The following LRRC4C variants were observed in gnomAD, a reference collection of about 807,000 sequenced individuals.
The protein encoded by LRRC4C is leucine-rich repeat-containing protein 4C.
A neutral mutation model predicts 33.6 loss-of-function variants in LRRC4C; 5 were observed. The observed-to-expected ratio is 0.15, with a 90% CI of 0.08 to 0.31. The LOEUF is 0.31. LRRC4C is among the 10% of genes least tolerant of loss of function. LRRC4C has a pLI of 1.00. For synonymous variants in LRRC4C, 329 were observed against 302.0 expected (o/e 1.09, Z -0.93); for missense variants, 560 against 796.7 (o/e 0.70, Z 3.58).
At chr11:40,231,476 A>ATATG (rs1865196034) in intron 5 of LRRC4C, among the ~76,000 whole-genome samples, 1 of 151,976 alleles carries the variant, frequency 6.6e-6, no homozygotes, top group Non-Finnish European at 1.5e-5. Context: ...ATAATAAACT[A>ATATG]GTCAATATGC....
intron 2 of LRRC4C, among the ~76,000 whole-genome samples, chr11:40,808,188 TGATA>T (rs1403423093): frequency 6.6e-6 from 1 of 152,082 alleles, no homozygotes; most frequent in African/African-American, 2.4e-5. Flanking sequence ...ATATATAATC[TGATA>T]TTTTATATTA....
At chr11:41,280,428 C>T (rs2136925069) in intron 1 of LRRC4C, among the ~76,000 whole-genome samples, 1 of 152,282 alleles carries the variant, frequency 6.6e-6, no homozygotes, top group East Asian at 1.9e-4. Context: ...ACCCCATGCT[C>T]ATGCTTTGTA....
At chr11:40,287,584 A>G (rs1943932173) in intron 4 of LRRC4C, among the ~76,000 whole-genome samples, 1 of 152,194 alleles carries the variant, frequency 6.6e-6, no homozygotes, top group South Asian at 2.1e-4. Flanking sequence ...GCCTAATTAA[A>G]TTTCAATGGT....
intron 2 of LRRC4C, among the ~76,000 whole-genome samples, chr11:40,806,359 T>C (rs2135339124): frequency 6.6e-6 from 1 of 152,362 alleles, no homozygotes; most frequent in Middle Eastern, 3.4e-3. Context: ...CGTCCATCTG[T>C]ACCTCCAGCT....
Position 40,717,651 on chromosome 11 carries a change from T to G in LRRC4C, c.-406-69373A>C, listed in dbSNP as rs74536061. Among the ~76,000 whole-genome samples, 257 of 152,278 alleles carry G rather than the reference T, an allele frequency of 1.7e-3. 7 individuals are homozygous for G. The East Asian group carries it at 0.045, about 27-fold the overall frequency. On this transcript the variant is annotated intron_variant, in intron 2 of 6. Coordinates refer to ENST00000528697, the MANE Select transcript of LRRC4C (RefSeq NM_001258419.2). ...GTACCAGTCACTGCGCTGTAAAACC[T>G]GTACACAGGTTTACCCCGTGTAGTC...
rs117169045 is a variant in LRRC4C at position 40,952,660 on chromosome 11, A to G, written c.-495-18937T>C. Among the ~76,000 whole-genome samples the G allele has an allele frequency of 7.7e-3, 1,168 of 152,100 alleles. 12 individuals are homozygous for G. Among genetic ancestry groups the G allele is most frequent in the Middle Eastern group, 0.031 (9 of 294 alleles). The stretch of plus-strand genomic sequence containing the variant: ...CAAACAGATGGGTAGAGGTCCAACA[A>G]GACGCTCCAGGAGAGACATCCTTGC... On this transcript the variant is annotated intron_variant, in intron 1 of 6. Coordinates refer to ENST00000528697, the MANE Select transcript of LRRC4C (RefSeq NM_001258419.2).
intron 2 of LRRC4C, among the ~76,000 whole-genome samples, chr11:40,658,105 A>G (rs78217893): frequency 0.02 from 3,102 of 152,302 alleles, 105 homozygotes; most frequent in African/African-American, 0.071. Flanking sequence ...AAAGAATGTT[A>G]TCTTATAGTA....
chr11:40,220,429 G>A (rs1013288361), intron 5 of LRRC4C, among the ~76,000 whole-genome samples: 20 of 152,160 alleles, frequency 1.3e-4, no homozygotes, highest in African/African-American at 3.6e-4. Flanking sequence ...ATAGATATGC[G>A]ATTGCCTTGT....
At chr11:41,145,882 C>CT (rs1022015531) in intron 1 of LRRC4C, among the ~76,000 whole-genome samples, 3 of 151,604 alleles carry the variant, frequency 2.0e-5, no homozygotes, top group Non-Finnish European at 4.4e-5. Context: ...TTTCTTATCT[C>CT]TTTTTTGCTG....
At chr11:41,160,836 G>A (rs1191586045) in intron 1 of LRRC4C, among the ~76,000 whole-genome samples, 1 of 152,128 alleles carries the variant, frequency 6.6e-6, no homozygotes, top group Non-Finnish European at 1.5e-5. Flanking sequence ...TCATAGTAGT[G>A]AGATATTAAG....
chr11:41,433,287 T>C (rs1955306348), intron 1 of LRRC4C, among the ~76,000 whole-genome samples: 1 of 152,156 alleles, frequency 6.6e-6, no homozygotes, highest in Non-Finnish European at 1.5e-5. Flanking sequence ...ACACTCCACT[T>C]TCCCTCTATA....
In LRRC4C at chr11:40,530,673, C is replaced by T. The variant is rs959376743; in HGVS notation, c.-270+117469G>A. On this transcript the variant is annotated intron_variant, in intron 3 of 6. Transcript: ENST00000528697. ...AACCTATTTATGAAGGAAAGACAAA[C>T]CATCAGACTGTGATAGATGCTGTGG... is the stretch of plus-strand genomic sequence containing the variant. 5.3e-5 allele frequency among the ~76,000 whole-genome samples: 8 copies of T among 152,254 alleles called. 1 individual carries two copies. Among genetic ancestry groups the T allele is most frequent in the East Asian group, 1.9e-4 (1 of 5,194 alleles).
chr11:40,250,583 T>C (rs775904448), intron 4 of LRRC4C, among the ~76,000 whole-genome samples: 20 of 151,836 alleles, frequency 1.3e-4, no homozygotes, highest in Non-Finnish European at 2.6e-4. Flanking sequence ...CTACTAAAGA[T>C]ACAAAAATTA....
At position 40,901,668 on chromosome 11, in the gene LRRC4C, A is replaced by G. The variant is rs149598566; in HGVS notation, c.-407+31967T>C. Among the ~76,000 whole-genome samples the G allele has an allele frequency of 1.7e-3, 262 of 152,192 alleles. 2 individuals carry two copies. Among genetic ancestry groups the G allele is most frequent in the African/African-American group, 6.1e-3 (254 of 41,528 alleles). ...TTAACCCTTGTCAGAATACAGGGATAAAATGTGAAGAGAAAAGAATAGATA... is the reference window on the plus strand; with the variant it reads ...TTAACCCTTGTCAGAATACAGGGATGAAATGTGAAGAGAAAAGAATAGATA... On this transcript the variant is annotated intron_variant, in intron 2 of 6. Coordinates refer to ENST00000528697, the MANE Select transcript of LRRC4C (RefSeq NM_001258419.2).
At chr11:40,580,946 T>C (rs1591169774) in intron 3 of LRRC4C, among the ~76,000 whole-genome samples, 1 of 152,266 alleles carries the variant, frequency 6.6e-6, no homozygotes, top group East Asian at 1.9e-4. Flanking sequence ...TTCAGATATA[T>C]TATTGTCACT....
intron 1 of LRRC4C, among the ~76,000 whole-genome samples, chr11:41,060,694 C>G (rs191347333): frequency 7.0e-4 from 107 of 152,226 alleles, no homozygotes; most frequent in Non-Finnish European, 4.7e-4. Context: ...ATTGGAGTAA[C>G]ATAAACAATA....
intron 2 of LRRC4C, among the ~76,000 whole-genome samples, chr11:40,723,811 C>G (rs148484774): frequency 6.6e-6 from 1 of 151,988 alleles, no homozygotes; most frequent in African/African-American, 2.4e-5. Context: ...AGACAAAGAA[C>G]GGCAAATAGT....
chr11:40,501,426 G>C (rs1324248204), intron 3 of LRRC4C, among the ~76,000 whole-genome samples: 1 of 152,142 alleles, frequency 6.6e-6, no homozygotes, highest in Non-Finnish European at 1.5e-5. Flanking sequence ...TGAGTGCCTT[G>C]TCCCTGCAGC....
intron 2 of LRRC4C, among the ~76,000 whole-genome samples, chr11:40,709,031 CT>C (rs944358721): frequency 1.3e-5 from 2 of 151,132 alleles, no homozygotes; most frequent in East Asian, 1.9e-4. Context: ...GCAACCTCTG[CT>C]TTTTTTTTGT....
Sources: gnomAD v4.1 joint callset for allele counts (sites outside exome capture counted in the v4.1 genomes callset) on GRCh38, gnomAD v4.1.1 for gene constraint, MANE v1.5 for transcripts, NCBI Gene and HGNC (gene_info 2026-07-23, HGNC 2026-07-21) for gene names.